The following VWA8 variants were observed in gnomAD, a reference collection of about 807,000 sequenced individuals.
VWA8 encodes von Willebrand factor A domain containing 8.
VWA8 carries 221 observed loss-of-function variants against 241.5 expected under a neutral mutation model. The observed-to-expected ratio is 0.91, with a 90% CI of 0.82 to 1.02. The LOEUF is 1.02. Among genes scored for constraint, VWA8 ranks in the 50% least tolerant of loss-of-function variants. The pLI, the probability that VWA8 is intolerant of heterozygous loss-of-function variation, is 0.00. For missense variants in VWA8, 2,322 were observed against 2,328.7 expected, an observed-to-expected ratio of 1.00 and a Z score of 0.06; for synonymous variants, 852 against 827.1, an observed-to-expected ratio of 1.03 and a Z score of -0.52.
rs115862917 is a variant in VWA8, at chr13:41,637,962, G to A, written c.4612-22878C>T. On this transcript the variant is annotated intron_variant, in intron 37 of 44. Transcript: ENST00000379310. The stretch of plus-strand genomic sequence containing the variant: ...TTTTAGTTCTAGTTCTACCACTTAT[G>A]ATCTATGAAACCTCACACAAGATTC... Among the ~76,000 whole-genome samples the A allele has an allele frequency of 4.7e-3, 714 of 152,286 alleles. 9 individuals are homozygous for A. Among genetic ancestry groups the A allele is most frequent in the African/African-American group, 0.016 (673 of 41,562 alleles).
chr13:41,777,036 T>C (rs1220012200), intron 20 of VWA8, among the ~76,000 whole-genome samples: 1 of 152,194 alleles, frequency 6.6e-6, no homozygotes, highest in Non-Finnish European at 1.5e-5. Context: ...AAAGTGCTGT[T>C]CACTGTGAGC....
intron 37 of VWA8, among the ~76,000 whole-genome samples, chr13:41,631,319 T>C (rs34633231): frequency 0.07 from 10,660 of 151,960 alleles, 738 homozygotes; most frequent in African/African-American, 0.18. Context: ...TGTGCCTGGC[T>C]TAGAGAGCCA....
intron 37 of VWA8, among the ~76,000 whole-genome samples, chr13:41,617,050 A>G (rs577299494): frequency 7.2e-5 from 11 of 152,196 alleles, no homozygotes; most frequent in Non-Finnish European, 1.5e-4. Context: ...AAAAAACTAT[A>G]TGAAAGGTAT....
At chr13:41,910,915 A>C (rs909995706) in intron 3 of VWA8, among the ~76,000 whole-genome samples, 2 of 152,216 alleles carry the variant, frequency 1.3e-5, no homozygotes, top group Admixed American at 1.3e-4. Flanking sequence ...AGCAAATAAT[A>C]CAAGGAATCT....
At chr13:41,890,089 A>G (rs1003650519) in intron 5 of VWA8, among the ~76,000 whole-genome samples, 8 of 152,234 alleles carry the variant, frequency 5.3e-5, no homozygotes, top group Non-Finnish European at 2.9e-5. Flanking sequence ...CTAGAGGAAA[A>G]TGACTGTACT....
chr13:41,670,388 G>A (rs895613885), intron 37 of VWA8, among the ~76,000 whole-genome samples: 3 of 150,926 alleles, frequency 2.0e-5, no homozygotes, highest in Non-Finnish European at 4.4e-5. Flanking sequence ...TCACTTTGGT[G>A]GCCTGTTCCC....
intron 21 of VWA8, among the ~76,000 whole-genome samples, chr13:41,746,463 C>T (rs187494785): frequency 2.1e-4 from 32 of 152,248 alleles, no homozygotes; most frequent in African/African-American, 7.2e-4. Context: ...AAATCCATAA[C>T]CCACAAATTA....
At chr13:41,846,493 C>T (rs1213517449) in intron 12 of VWA8, among the ~76,000 whole-genome samples, 1 of 152,102 alleles carries the variant, frequency 6.6e-6, no homozygotes, top group African/African-American at 2.4e-5. Flanking sequence ...TAATGCCTGG[C>T]ACCTAATGGT....
rs2045262674 is a variant in VWA8, at chr13:41,703,394, TG to T, written c.3133del (p.Gln1045LysfsTer28). 1 of 1,613,986 alleles carries T rather than the reference TG, an allele frequency of 6.2e-7. No homozygotes were observed. The highest frequency in any genetic ancestry group is 1.7e-5 in the Admixed American group (1 of 60,014). On this transcript the variant is annotated frameshift_variant, in exon 27 of 45. Transcript: ENST00000379310. LOFTEE classifies it high-confidence loss of function. ...AATTGTCCAGTAGCCCATGAACGTT[TG>T]TTCTGGCAGAGTCAACCTGTTAAGG... ...QLAKELTLPE[Q>X]TFMGYWTIGQ...
intron 17 of VWA8, among the ~76,000 whole-genome samples, chr13:41,808,819 C>T (rs1227866964): frequency 6.6e-6 from 1 of 151,360 alleles, no homozygotes; most frequent in Non-Finnish European, 1.5e-5. Flanking sequence ...TTACATTATC[C>T]TTGTTTGCAG....
intron 12 of VWA8, 178 bp downstream of exon 12, chr13:41,865,558 A>T: frequency 1.6e-6 from 1 of 633,240 alleles, no homozygotes; most frequent in Non-Finnish European, 2.6e-6. Flanking sequence ...CCTAGAATGT[A>T]CTTTCAAAAG....
At chr13:41,579,637 T>C (rs1051008115) in intron 42 of VWA8, among the ~76,000 whole-genome samples, 3 of 152,358 alleles carry the variant, frequency 2.0e-5, no homozygotes, top group East Asian at 1.9e-4. Context: ...ATTGAAAGGA[T>C]AGGACAATAC....
intron 12 of VWA8, among the ~76,000 whole-genome samples, chr13:41,844,884 G>GA (rs1872218369): frequency 6.6e-6 from 1 of 151,760 alleles, no homozygotes; most frequent in Non-Finnish European, 1.5e-5. Context: ...AAACACTGCT[G>GA]AAAAAAATCA....
At chr13:41,589,903 G>A (rs923584584) in intron 41 of VWA8, among the ~76,000 whole-genome samples, 42 of 152,098 alleles carry the variant, frequency 2.8e-4, no homozygotes, top group African/African-American at 9.7e-4. Context: ...TAAGAAGAAG[G>A]GTACATAAGC....
Position 41,761,165 on chromosome 13 carries a change from G to A in VWA8, c.2389C>T (p.Leu797=), listed in dbSNP as rs375253804. ...KNKIVDRFLH[L]LNRPREYIQL... is the part of the protein sequence containing the mutation. ...ATATATTCTCGGGGTCTGTTGAGCA[G>A]GTGAAGGAATCTGTCAACAATCTTG... Residue 797 remains leucine (L), a synonymous_variant, in exon 21 of 45, where the codon CTG becomes TTG. Coordinates refer to ENST00000379310, the MANE Select transcript of VWA8 (RefSeq NM_015058.2). 8 of 1,611,608 alleles carry A rather than the reference G, an allele frequency of 5.0e-6. No homozygotes were observed. The African/African-American group carries it at 1.1e-4, about 22-fold the overall frequency.
At chr13:41,690,401 T>C (rs887847567) in intron 32 of VWA8, 126 bp from the exon 33 acceptor site, 3 of 735,638 alleles carry the variant, frequency 4.1e-6, no homozygotes, top group African/African-American at 1.8e-5. Context: ...TTTGCAGTTT[T>C]AGAGTTTCAT....
chr13:41,804,270 G>C (rs916561106), intron 17 of VWA8, among the ~76,000 whole-genome samples: 1 of 152,080 alleles, frequency 6.6e-6, no homozygotes, highest in Non-Finnish European at 1.5e-5. Context: ...GAAGAGAAAA[G>C]AAACAAACAA....
intron 2 of VWA8, among the ~76,000 whole-genome samples, chr13:41,922,464 C>T (rs1208571246): frequency 1.3e-5 from 2 of 152,166 alleles, no homozygotes; most frequent in African/African-American, 2.4e-5. Context: ...ACCTTCTGCA[C>T]AGCAAAAGAA....
intron 14 of VWA8, among the ~76,000 whole-genome samples, chr13:41,828,118 T>C (rs933361189): frequency 1.3e-5 from 2 of 152,190 alleles, no homozygotes; most frequent in East Asian, 1.9e-4. Context: ...TAAAAGAATT[T>C]GATAATGTAT....
Sources: gnomAD v4.1 joint callset for allele counts (sites outside exome capture counted in the v4.1 genomes callset) on GRCh38, gnomAD v4.1.1 for gene constraint, MANE v1.5 for transcripts, NCBI Gene and HGNC (gene_info 2026-07-23, HGNC 2026-07-21) for gene names.